Variants in KANSL3 observed in about 807,000 individuals in gnomAD.
KANSL3 encodes NSL complex protein NSL3.
In KANSL3, 16 loss-of-function variants were observed where a neutral mutation model predicts 89.2. That is an observed-to-expected ratio of 0.18 (90% CI 0.12 to 0.27). KANSL3 has a LOEUF of 0.27. Among genes scored for constraint, KANSL3 ranks in the 10% least tolerant of loss-of-function variants. The pLI, the probability that KANSL3 is intolerant of heterozygous loss-of-function variation, is 1.00. For synonymous variants in KANSL3, 385 were observed against 419.7 expected, an observed-to-expected ratio of 0.92 and a Z score of 1.01; for missense variants, 879 against 1,110.6, an observed-to-expected ratio of 0.79 and a Z score of 2.96.
At position 96,636,981 on chromosome 2, in the gene KANSL3, C is replaced by T. The variant is rs975802627; in HGVS notation, c.155G>A (p.Ser52Asn). The change falls in exon 2 of 21, where the codon AGT becomes AAT. Residue 52 changes from serine (S) to asparagine (N), a missense_variant. This residue lies in a region of KANSL3 where 210 missense variants were observed against 311.9 expected (regional missense o/e 0.67). Coordinates refer to ENST00000431828, the MANE Select transcript of KANSL3 (RefSeq NM_001115016.3). ...AKPWSAHPDA[S>N]SARPTRMLFV... ...GAGCATGCGGGTGGGGCGGGCACTA[C>T]TGGCATCTGGGTGGGCACTCCAAGG... The T allele has an allele frequency of 5.8e-6, 9 of 1,551,032 alleles. No individual in the cohort carries two copies. The African/African-American group carries it at 1.1e-4, about 19-fold the overall frequency.
chr2:96,635,591 T>C (rs1245567830), intron 2 of KANSL3, among the ~76,000 whole-genome samples: 1 of 152,216 alleles, frequency 6.6e-6, no homozygotes, highest in African/African-American at 2.4e-5. Flanking sequence ...TATGCTAAAT[T>C]ATTGCCTAAA....
rs566650173 is a variant in KANSL3 at position 96,637,113 on chromosome 2, C to T, written c.23G>A (p.Arg8Lys). The T allele has an allele frequency of 6.4e-7, 1 of 1,551,602 alleles. No individual in the cohort carries two copies. Among genetic ancestry groups the T allele is most frequent in the East Asian group, 2.4e-5 (1 of 40,922 alleles). Residue 8 changes from arginine to lysine, a missense_variant, in exon 2 of 21, where the codon AGG becomes AAG. Arg to Lys is a conservative substitution (Grantham distance 26, BLOSUM62 2). Transcript: ENST00000431828. ...GCGTCGAGCTGAAGTCTGGAAGTCC[C>T]TCTCCCCACCCCGGTGGGCCATGTC... MAHRGGE[R>K]DFQTSARRMG...
chr2:96,585,552 T>C, the KANSL3 span, among the ~76,000 whole-genome samples: 17 of 152,318 alleles, frequency 1.1e-4, 1 homozygote, highest in South Asian at 1.9e-3. Flanking sequence ...GAGAACAGTA[T>C]GGAAATCCCT....
At chr2:96,599,746 T>A (rs1381672830) in intron 20 of KANSL3, 2 of 552,086 alleles carry the variant, frequency 3.6e-6, no homozygotes, top group East Asian at 1.5e-4. Flanking sequence ...ATGACAAACA[T>A]TTCATAAAAG....
At chr2:96,588,740 A>C (rs1220033875), downstream of KANSL3, among the ~76,000 whole-genome samples, 1 of 151,866 alleles carries the variant, frequency 6.6e-6, no homozygotes, top group Non-Finnish European at 1.5e-5. Context: ...ACAGGCGCCC[A>C]CCACCACACC....
intron 17 of KANSL3, 53 bp downstream of exon 17, chr2:96,604,197 C>G: frequency 6.5e-7 from 1 of 1,537,632 alleles, no homozygotes; most frequent in South Asian, 1.2e-5. Context: ...CACCCAGAAG[C>G]AGCAGACCAA....
Position 96,604,868 on chromosome 2 carries a change from A to C in KANSL3, c.1934-5T>G, listed in dbSNP as rs1471278999. The C allele has an allele frequency of 6.3e-7, 1 of 1,585,782 alleles. No homozygotes were observed. The highest frequency in any genetic ancestry group is 1.8e-5 in the Admixed American group (1 of 55,726). ...TGATGGGCTTCCCACCTGCAGCTTC[A>C]AAACAGAAAACCCCAAGGCCCCTGG... On this transcript the variant is annotated splice_polypyrimidine_tract_variant and splice_region_variant and intron_variant, in intron 15 of 20. Transcript: ENST00000431828.
intron 3 of KANSL3, among the ~76,000 whole-genome samples, chr2:96,620,280 C>CTAT (rs1351849300): frequency 6.6e-6 from 1 of 152,140 alleles, no homozygotes; most frequent in Middle Eastern, 3.2e-3. Flanking sequence ...AATAAAGAGG[C>CTAT]TATTCTTCCA....
At chr2:96,636,454 A>G (rs569989965) in intron 2 of KANSL3, among the ~76,000 whole-genome samples, 1 of 152,338 alleles carries the variant, frequency 6.6e-6, no homozygotes, top group South Asian at 2.1e-4. Context: ...AGAAAAAGCA[A>G]CGTCTTGGGA....
At chr2:96,598,033 T>C (rs2066706220) in intron 20 of KANSL3, 5 of 894,496 alleles carry the variant, frequency 5.6e-6, no homozygotes, top group Non-Finnish European at 5.4e-6. Context: ...TACTCTCTTC[T>C]CAATGGTAAC....
At chr2:96,582,339 A>G in the KANSL3 span, among the ~76,000 whole-genome samples, 1 of 152,158 alleles carries the variant, frequency 6.6e-6, no homozygotes, top group Non-Finnish European at 1.5e-5. Context: ...TGGAGGTTGC[A>G]ATGAGTGGAG....
chr2:96,582,119 G>A, the KANSL3 span, among the ~76,000 whole-genome samples: 4 of 152,128 alleles, frequency 2.6e-5, no homozygotes, highest in South Asian at 2.1e-4. Flanking sequence ...GGCCAGGTGC[G>A]GTGGCTCACA....
the KANSL3 span, among the ~76,000 whole-genome samples, chr2:96,583,503 T>G: frequency 6.6e-6 from 1 of 152,220 alleles, no homozygotes; most frequent in Non-Finnish European, 1.5e-5. Context: ...GGATTTCCTA[T>G]CAGTGGAATC....
chr2:96,632,895 G>A (rs968197094), intron 2 of KANSL3, among the ~76,000 whole-genome samples: 1 of 151,350 alleles, frequency 6.6e-6, no homozygotes, highest in Non-Finnish European at 1.5e-5. Context: ...GAACCCAGGA[G>A]GCGGAGCTTG....
chr2:96,610,227 T>C (rs2068675058), intron 11 of KANSL3: 1 of 153,538 alleles, frequency 6.5e-6, no homozygotes, highest in Non-Finnish European at 1.4e-5. Flanking sequence ...GTGAAGGGTA[T>C]ATAGGAATTG....
intron 5 of KANSL3, among the ~76,000 whole-genome samples, chr2:96,618,807 T>C (rs2070703925): frequency 6.6e-6 from 1 of 152,234 alleles, no homozygotes; most frequent in South Asian, 2.1e-4. Context: ...GATAGCCTGA[T>C]GCAATCACTG....
intron 5 of KANSL3, among the ~76,000 whole-genome samples, chr2:96,618,999 C>A (rs2070744898): frequency 6.6e-6 from 1 of 152,236 alleles, no homozygotes; most frequent in Non-Finnish European, 1.5e-5. Context: ...GTGCTCCGAG[C>A]ACCAAGGGTC....
At position 96,609,942 on chromosome 2, in the gene KANSL3, C is replaced by A. The variant is rs577503514; in HGVS notation, c.1320-380G>T. ...GTCCAGCATAGGCGACAGAGCCAGGCGCCACCTCAAAAAAAAAAAAAAAAA... is the reference window on the plus strand; with the variant it reads ...GTCCAGCATAGGCGACAGAGCCAGGAGCCACCTCAAAAAAAAAAAAAAAAA... On this transcript the variant is annotated intron_variant, in intron 11 of 20. Transcript: ENST00000431828. 2.5e-4 allele frequency among the ~76,000 whole-genome samples: 29 copies of A among 115,522 alleles called. No homozygotes were observed. In the East Asian group the frequency reaches 4.3e-3, roughly 17 times the overall value. 75.8% of individuals were successfully genotyped at this position (115,522 alleles called of 152,430 possible).
In KANSL3 at chr2:96,602,859, G is replaced by A; in HGVS notation, c.2153C>T (p.Ala718Val). 1 of 1,613,722 alleles carries A rather than the reference G, an allele frequency of 6.2e-7. No homozygotes were observed. Reference sequence around the variant, plus strand: ...TTGGAGGAGGCTGCTGGCTGATGTGGCCCCTAAGAGAGGACATAGCAGGAA... The same window carrying A: ...TTGGAGGAGGCTGCTGGCTGATGTGACCCCTAAGAGAGGACATAGCAGGAA... ...ATSPGSSLPG[A>V]TSASSLLQGL... is the part of the protein sequence containing the mutation. Residue 718 changes from alanine (A) to valine (V), a missense_variant, in exon 18 of 21, where the codon GCC becomes GTC. Physicochemically the swap from Ala to Val is moderately conservative, Grantham distance 64. Transcript: ENST00000431828.
Sources: allele counts gnomAD v4.1 joint callset (sites outside exome capture counted in the v4.1 genomes callset), GRCh38; gene constraint gnomAD v4.1.1; regional missense constraint gnomAD v4.1.1; transcripts MANE v1.5; gene names NCBI Gene and HGNC (gene_info 2026-07-23, HGNC 2026-07-21).